ASB1: variants seen among roughly 807,000 people sequenced by gnomAD.
ASB1 encodes ankyrin repeat and SOCS box containing 1.
Under a neutral mutation model 27.7 loss-of-function variants are expected in ASB1, and 18 were observed. The ratio of observed to expected loss-of-function variants is 0.65; its 90% CI spans 0.45 to 0.96. ASB1 has a LOEUF of 0.96. ASB1 is among the 50% of genes least tolerant of loss of function. ASB1 has a pLI of 0.00. For missense variants in ASB1, 397 were observed against 451.7 expected, an observed-to-expected ratio of 0.88 and a Z score of 1.10; for synonymous variants, 189 against 187.6, an observed-to-expected ratio of 1.01 and a Z score of -0.06.
At chr2:238,434,679 A>T (rs1701933698) in intron 2 of ASB1, among the ~76,000 whole-genome samples, 2 of 152,246 alleles carry the variant, frequency 1.3e-5, no homozygotes, top group South Asian at 4.1e-4. Flanking sequence ...TGGATTACGC[A>T]CAGATATTTA....
chr2:238,431,598 C>A (rs146257048), intron 1 of ASB1, among the ~76,000 whole-genome samples: 1 of 152,328 alleles, frequency 6.6e-6, no homozygotes, highest in South Asian at 2.1e-4. Flanking sequence ...TTTCCACATG[C>A]CTTTCTCATT....
At chr2:238,443,463 A>G (rs1303121946) in intron 3 of ASB1, among the ~76,000 whole-genome samples, 2 of 152,132 alleles carry the variant, frequency 1.3e-5, no homozygotes. Flanking sequence ...AAAATAGGAA[A>G]TTTTTACCTC....
In ASB1 at chr2:238,432,081, G is replaced by A. The variant is rs189479945; in HGVS notation, c.50-1473G>A. On this transcript the variant is annotated intron_variant, in intron 1 of 4. Coordinates refer to ENST00000264607, the MANE Select transcript of ASB1 (RefSeq NM_001040445.3). The stretch of plus-strand genomic sequence containing the variant: ...TTGATAAAGTGAAATGCAGTGAAAT[G>A]AAGGCTGCCGGTATTAGGTTGTTTA... Among the ~76,000 whole-genome samples the A allele has an allele frequency of 2.6e-5, 4 of 152,320 alleles. No individual in the cohort carries two copies. In the East Asian group the frequency reaches 7.7e-4, roughly 29 times the overall value.
At chr2:238,429,392 G>A (rs1157642158) in intron 1 of ASB1, among the ~76,000 whole-genome samples, 2 of 152,190 alleles carry the variant, frequency 1.3e-5, no homozygotes. Flanking sequence ...GGGTTATGAT[G>A]TGAGGTGAAT....
intron 1 of ASB1, among the ~76,000 whole-genome samples, chr2:238,432,278 C>CA (rs1335019057): frequency 6.6e-6 from 1 of 152,142 alleles, no homozygotes; most frequent in African/African-American, 2.4e-5. Flanking sequence ...CATCTGATAA[C>CA]AAAATCCCAA....
intron 3 of ASB1, among the ~76,000 whole-genome samples, chr2:238,436,679 T>C (rs1701977361): frequency 6.6e-6 from 1 of 152,134 alleles, no homozygotes; most frequent in African/African-American, 2.4e-5. Context: ...TATTTTTTAA[T>C]GTCAGACTAC....
intron 1 of ASB1, among the ~76,000 whole-genome samples, chr2:238,430,235 A>T (rs1457291908): frequency 6.6e-6 from 1 of 152,156 alleles, no homozygotes; most frequent in African/African-American, 2.4e-5. Flanking sequence ...GCGCTTCTTT[A>T]AAAATTGGAA....
chr2:238,427,948 G>A (rs72985387), intron 1 of ASB1, among the ~76,000 whole-genome samples: 14,157 of 152,244 alleles, frequency 0.093, 750 homozygotes, highest in Non-Finnish European at 0.12. Context: ...CATCTTAAAA[G>A]ATTGACTTGG....
chr2:238,434,969 A>T (rs1701939314), intron 2 of ASB1, among the ~76,000 whole-genome samples: 1 of 152,128 alleles, frequency 6.6e-6, no homozygotes, highest in South Asian at 2.1e-4. Context: ...CTGGCTTGGG[A>T]GCTGCTTCCC....
chr2:238,444,978 TC>T (rs1425088824), intron 4 of ASB1, among the ~76,000 whole-genome samples: 2 of 111,218 alleles, frequency 1.8e-5, no homozygotes, highest in Admixed American at 1.1e-4. Flanking sequence ...GCTCGCGCTC[TC>T]TTTTTTTTTT....
At chr2:238,440,273 A>G (rs1702053992) in intron 3 of ASB1, among the ~76,000 whole-genome samples, 1 of 152,154 alleles carries the variant, frequency 6.6e-6, no homozygotes, top group Non-Finnish European at 1.5e-5. Context: ...TTGGGGTATC[A>G]CTGTTTTCAT....
In ASB1 at chr2:238,451,980, C is replaced by T. The variant is rs1239492010; in HGVS notation, c.*5469C>T. On this transcript the variant is annotated 3_prime_UTR_variant, in exon 5 of 5. Coordinates refer to ENST00000264607, the MANE Select transcript of ASB1 (RefSeq NM_001040445.3). ...TGTTGCCCAGGTTGAAACTCCCTGACAGCCTGTTCTACGTAGTGGCTCGTG... is the reference window on the plus strand; with the variant it reads ...TGTTGCCCAGGTTGAAACTCCCTGATAGCCTGTTCTACGTAGTGGCTCGTG... 1 of 152,216 alleles carries T rather than the reference C, an allele frequency of 6.6e-6. No individual in the cohort carries two copies. The highest frequency in any genetic ancestry group is 2.4e-5 in the African/African-American group (1 of 41,442). The allele number at this position is 152,216 out of a possible 1,614,324, so 9.4% of individuals were successfully genotyped here.
At chr2:238,437,438 G>T (rs1701993918) in intron 3 of ASB1, among the ~76,000 whole-genome samples, 1 of 152,100 alleles carries the variant, frequency 6.6e-6, no homozygotes, top group South Asian at 2.1e-4. Flanking sequence ...CACCATGTCA[G>T]CCAGGATGGT....
chr2:238,446,033 G>A (rs544266585), intron 4 of ASB1, among the ~76,000 whole-genome samples: 1 of 152,366 alleles, frequency 6.6e-6, no homozygotes, highest in South Asian at 2.1e-4. Flanking sequence ...CAGAGGCTGG[G>A]CGTCCGCGGC....
intron 1 of ASB1, among the ~76,000 whole-genome samples, chr2:238,430,543 AC>A (rs1701849498): frequency 6.6e-6 from 1 of 151,940 alleles, no homozygotes. Context: ...CTTCTTTCAA[AC>A]TCCTTTTGAT....
At chr2:238,434,056 C>A (rs374865331) in intron 2 of ASB1, among the ~76,000 whole-genome samples, 2 of 152,204 alleles carry the variant, frequency 1.3e-5, no homozygotes, top group Non-Finnish European at 2.9e-5. Flanking sequence ...TAATTGCAGG[C>A]GCTTCTGTAC....
At chr2:238,427,416 C>A (rs1203399256) in intron 1 of ASB1, 2 of 319,736 alleles carry the variant, frequency 6.3e-6, no homozygotes, top group Non-Finnish European at 1.1e-5. Context: ...TTTGATATGA[C>A]CCAACCGCAA....
Position 238,444,374 on chromosome 2 carries a change from T to C in ASB1, c.527T>C (p.Leu176Pro). The C allele has an allele frequency of 6.2e-7, 1 of 1,611,786 alleles. No individual in the cohort carries two copies. Among genetic ancestry groups the C allele is most frequent in the Non-Finnish European group, 8.5e-7 (1 of 1,178,130 alleles). ...GCTGATGTTGACGTCAACCACCACC[T>C]GACTCCTGATGTCCAGCCTCGATTC... ...YGADVDVNHH[L>P]TPDVQPRFSR... Residue 176 changes from leucine (L) to proline (P), a missense_variant, in exon 4 of 5, where the codon CTG (leucine) becomes CCG (proline). By Grantham distance (98) the Leu-to-Pro change is moderately conservative. Coordinates refer to ENST00000264607, the MANE Select transcript of ASB1 (RefSeq NM_001040445.3).
chr2:238,451,254 G>A lies in ASB1; in HGVS notation c.*4743G>A, dbSNP rs1702279232. On this transcript the variant is annotated 3_prime_UTR_variant, in exon 5 of 5. Coordinates refer to ENST00000264607, the MANE Select transcript of ASB1 (RefSeq NM_001040445.3). ...GGGATGGAGAAGTGAGTGGGGGCAGGAGGGGGATTTCTGTTGCCTTGACAT... is the reference window on the plus strand; with the variant it reads ...GGGATGGAGAAGTGAGTGGGGGCAGAAGGGGGATTTCTGTTGCCTTGACAT... The A allele has an allele frequency of 6.6e-6, 1 of 152,372 alleles. No individual in the cohort carries two copies. Among genetic ancestry groups the A allele is most frequent in the African/African-American group, 2.4e-5 (1 of 41,466 alleles). The allele number at this position is 152,372 out of a possible 1,614,324, so 9.4% of individuals were successfully genotyped here.
Sources: allele counts gnomAD v4.1 joint callset (sites outside exome capture counted in the v4.1 genomes callset), GRCh38; gene constraint gnomAD v4.1.1; transcripts MANE v1.5; gene names NCBI Gene and HGNC (gene_info 2026-07-23, HGNC 2026-07-21).